Variants in WDR97 observed in about 807,000 individuals in gnomAD.
The protein encoded by WDR97 is WD repeat-containing protein 97.
Under a neutral mutation model 65.4 loss-of-function variants are expected in WDR97, and 111 were observed. The ratio of observed to expected loss-of-function variants is 1.70; its 90% CI spans 1.45 to 1.99. The LOEUF (loss-of-function observed/expected upper bound fraction) is 1.99, where lower values mean the gene tolerates loss of function less well. Among genes scored for constraint, WDR97 ranks in the 30% most tolerant of loss-of-function variants. The pLI, the probability that WDR97 is intolerant of heterozygous loss-of-function variation, is 0.00. For missense variants in WDR97, 1,674 were observed against 865.0 expected (o/e 1.94, Z -11.73); for synonymous variants, 802 against 397.7 (o/e 2.02, Z -12.10).
At chr8:144,112,773 T>C in intron 15 of WDR97, 1 of 565,616 alleles carries the variant, frequency 1.8e-6, no homozygotes, top group Non-Finnish European at 3.2e-6. Context: ...CTCTGGGAGC[T>C]GACATCAGGC....
intron 3 of WDR97, 26 bp downstream of exon 3, chr8:144,108,970 C>A (rs1836480869): frequency 2.8e-6 from 2 of 702,926 alleles, no homozygotes; most frequent in Admixed American, 2.0e-5. Context: ...CTAGGGAGGG[C>A]CAGGCATGTA....
Position 144,116,774 on chromosome 8 carries a change from C to A in WDR97, c.*481C>A, listed in dbSNP as rs7829844. The A allele has an allele frequency of 0.8, 121,781 of 152,934 alleles. 51,543 individuals are homozygous for A. The highest frequency in any genetic ancestry group is 1 in the East Asian group (5,181 of 5,202). 9.5% of individuals were successfully genotyped at this position (152,934 alleles called of 1,614,324 possible). ...CTTGCTTTCGTTACTTTTATTCTGGCAAAGAGAAGAATTGACAAAGGCACC... is the reference window on the plus strand; with the variant it reads ...CTTGCTTTCGTTACTTTTATTCTGGAAAAGAGAAGAATTGACAAAGGCACC... On this transcript the variant is annotated 3_prime_UTR_variant, in exon 24 of 24. Transcript: ENST00000323662.
chr8:144,116,216 C>T lies in WDR97; in HGVS notation c.4792C>T (p.Leu1598=), dbSNP rs1219524379. Residue 1598 remains leucine, a synonymous_variant, in exon 24 of 24, where the codon CTG becomes TTG. Transcript: ENST00000323662. ...PLDWPMPPRP[L]PPRLLQPALQ... Reference sequence around the variant, plus strand: ...GGACTGGCCTATGCCCCCGCGCCCGCTGCCCCCGCGGCTCCTGCAGCCGGC... The same window carrying T: ...GGACTGGCCTATGCCCCCGCGCCCGTTGCCCCCGCGGCTCCTGCAGCCGGC... The T allele has an allele frequency of 1.5e-6, 1 of 685,876 alleles. No homozygotes were observed. The highest frequency in any genetic ancestry group is 2.7e-5 in the East Asian group (1 of 36,888). 42.5% of individuals were successfully genotyped at this position (685,876 alleles called of 1,614,324 possible). A position where few individuals can be genotyped will look rare whatever the true frequency, so the allele number is the denominator to read the frequency against.
intron 20 of WDR97, 31 bp downstream of exon 20, chr8:144,114,706 C>A: frequency 1.4e-6 from 1 of 702,620 alleles, no homozygotes; most frequent in Non-Finnish European, 2.6e-6. Context: ...GCCCTCCCTG[C>A]CACTGGGAAG....
intron 10 of WDR97, 27 bp from the exon 11 acceptor site, chr8:144,111,399 C>G: frequency 1.4e-6 from 1 of 702,814 alleles, no homozygotes; most frequent in Non-Finnish European, 2.6e-6. Context: ...CACCCAGCAT[C>G]CCACCTGTGC....
Position 144,115,765 on chromosome 8 carries a change from C to T in WDR97, c.4502C>T (p.Ser1501Leu). The T allele has an allele frequency of 2.9e-6, 2 of 699,888 alleles. No homozygotes were observed. Among genetic ancestry groups the T allele is most frequent in the Non-Finnish European group, 5.2e-6 (2 of 383,558 alleles). The allele number at this position is 699,888 out of a possible 1,614,324, so 43.4% of individuals were successfully genotyped here. A position where few individuals can be genotyped will look rare whatever the true frequency, so the allele number is the denominator to read the frequency against. The change falls in exon 22 of 24, where the codon TCG (serine) becomes TTG (leucine). Residue 1501 changes from serine (S) to leucine (L), a missense_variant. Transcript: ENST00000323662. ...CAGCTGCGGGCGCAGCAGCGGAGTT[C>T]GCTCCAGGAGAAGGCTGCGCACCCA... ...CEQLRAQQRS[S>L]LQEKAAHPHP...
rs1564323874 is a variant in WDR97, at chr8:144,115,622, G to A, written c.4359G>A (p.Leu1453=). 1.5e-6 allele frequency: 1 copy of A among 687,516 alleles called. No homozygotes were observed. The highest frequency in any genetic ancestry group is 1.5e-5 in the South Asian group (1 of 66,358). The allele number at this position is 687,516 out of a possible 1,614,324, so 42.6% of individuals were successfully genotyped here. A position where few individuals can be genotyped will look rare whatever the true frequency, so the allele number is the denominator to read the frequency against. Residue 1453 remains leucine (L), a synonymous_variant, in exon 22 of 24, where the codon CTG becomes CTA. Transcript: ENST00000323662. ...KSFCLEPEAR[L]HPAGPAQLPG... Reference sequence around the variant, plus strand: ...TCTGCCTGGAGCCCGAGGCCCGCCTGCACCCTGCCGGGCCTGCTCAGCTGC... The same window carrying A: ...TCTGCCTGGAGCCCGAGGCCCGCCTACACCCTGCCGGGCCTGCTCAGCTGC...
chr8:144,116,953 T>C lies in WDR97; in HGVS notation c.*660T>C, dbSNP rs1814766501. On this transcript the variant is annotated 3_prime_UTR_variant, in exon 24 of 24. Transcript: ENST00000323662. Reference sequence around the variant, plus strand: ...CAGGGCGCAAGACCTGTGCACAGAGTTCTTGGGGCAGCTCTGGGGGGAATC... The same window carrying C: ...CAGGGCGCAAGACCTGTGCACAGAGCTCTTGGGGCAGCTCTGGGGGGAATC... 1 of 152,130 alleles carries C rather than the reference T, an allele frequency of 6.6e-6. No individual in the cohort carries two copies. The highest frequency in any genetic ancestry group is 2.1e-4 in the South Asian group (1 of 4,812). 9.4% of individuals were successfully genotyped at this position (152,130 alleles called of 1,614,324 possible).
rs745916344 is a variant in WDR97 at position 144,110,258 on chromosome 8, T to A, written c.1843+2T>A. The A allele has an allele frequency of 3.0e-5, 21 of 702,162 alleles. No homozygotes were observed. The South Asian group carries it at 3.1e-4, about 10-fold the overall frequency. The allele number at this position is 702,162 out of a possible 1,614,324, so 43.5% of individuals were successfully genotyped here. On this transcript the variant is annotated splice_donor_variant, in intron 6 of 23. Transcript: ENST00000323662. LOFTEE classifies it high-confidence loss of function. ...CCTGGAACAGCATTGTGTCTTCGGG[T>A]CAGTAGCTCCCCTGCCAAAGGCCAG...
Position 144,110,786 on chromosome 8 carries a change from C to A in WDR97, c.2171+47C>A, listed in dbSNP as rs553117786. ...GCTGGGGTCTCCTACCTCTGCTCCTCACCAGAGCCCACTGGCTGGACTGAG... is the reference window on the plus strand; with the variant it reads ...GCTGGGGTCTCCTACCTCTGCTCCTAACCAGAGCCCACTGGCTGGACTGAG... On this transcript the variant is annotated intron_variant, in intron 8 of 23. Coordinates refer to ENST00000323662, the MANE Select transcript of WDR97 (RefSeq NM_001316309.2). 1.4e-5 allele frequency: 10 copies of A among 702,544 alleles called. No homozygotes were observed. In the East Asian group the frequency reaches 2.4e-4, roughly 17 times the overall value. 43.5% of individuals were successfully genotyped at this position (702,544 alleles called of 1,614,324 possible). A position where few individuals can be genotyped will look rare whatever the true frequency, so the allele number is the denominator to read the frequency against.
At chr8:144,112,893 T>G in intron 15 of WDR97, 1 of 343,674 alleles carries the variant, frequency 2.9e-6, no homozygotes, top group Non-Finnish European at 5.4e-6. Context: ...CCCTGCCCTT[T>G]AGAGGAGCAA....
At chr8:144,113,342 G>A (rs1836585045) in intron 15 of WDR97, 98 bp from the exon 16 acceptor site, 2 of 687,840 alleles carry the variant, frequency 2.9e-6, no homozygotes, top group Admixed American at 4.3e-5. Flanking sequence ...AGCTGGACTG[G>A]CGGCTGAGGG....
In WDR97 at chr8:144,115,990, CG is replaced by C; in HGVS notation, c.4644del (p.Arg1549GlyfsTer4). ...RLQEAKPQRSARSAMRLRGPM... is the reference protein window; with the variant it reads ...RLQEAKPQRSXRSAMRLRGPM... ...CAGGAGGCCAAGCCGCAGAGGTCCG[CG>C]AGGTCCGCGATGAGACTGAGGGGTG... On this transcript the variant is annotated frameshift_variant, in exon 23 of 24. Coordinates refer to ENST00000323662, the MANE Select transcript of WDR97 (RefSeq NM_001316309.2). LOFTEE classifies it low-confidence loss of function (END_TRUNC). The C allele has an allele frequency of 1.4e-6, 1 of 700,598 alleles. No individual in the cohort carries two copies. Among genetic ancestry groups the C allele is most frequent in the Non-Finnish European group, 2.6e-6 (1 of 384,428 alleles). The allele number at this position is 700,598 out of a possible 1,614,324, so 43.4% of individuals were successfully genotyped here.
chr8:144,110,532 C>G lies in WDR97; in HGVS notation c.2035C>G (p.Arg679Gly). The G allele has an allele frequency of 1.4e-6, 1 of 702,876 alleles. No homozygotes were observed. Among genetic ancestry groups the G allele is most frequent in the Non-Finnish European group, 2.6e-6 (1 of 384,944 alleles). 43.5% of individuals were successfully genotyped at this position (702,876 alleles called of 1,614,324 possible). ...GCAGTTTGGCCTGGGCGACAGTCCG[C>G]GATTAGACCACCGGCCCCAGGACGA... ...LVQFGLGDSPRLDHRPQDDPT... is the reference protein window; with the variant it reads ...LVQFGLGDSPGLDHRPQDDPT... The change falls in exon 7 of 24, where the codon CGA (arginine) becomes GGA (glycine). Residue 679 changes from arginine (R) to glycine (G), a missense_variant. Arg to Gly is a moderately radical substitution (Grantham distance 125). Transcript: ENST00000323662.
Position 144,116,247 on chromosome 8 carries a change from A to C in WDR97, c.4823A>C (p.Gln1608Pro). The change falls in exon 24 of 24, where the codon CAG (glutamine) becomes CCG (proline). Residue 1608 changes from glutamine (Q) to proline (P), a missense_variant. Physicochemically the swap from Gln to Pro is moderately conservative, Grantham distance 76 (BLOSUM62 -1). Coordinates refer to ENST00000323662, the MANE Select transcript of WDR97 (RefSeq NM_001316309.2). ...CCGCGGCTCCTGCAGCCGGCCCTGCAGCGCTACTTTCTGCCAGCGGACGCG... is the reference window on the plus strand; with the variant it reads ...CCGCGGCTCCTGCAGCCGGCCCTGCCGCGCTACTTTCTGCCAGCGGACGCG... ...LPPRLLQPAL[Q>P]RYFLPADADP... 1.5e-6 allele frequency: 1 copy of C among 673,632 alleles called. No individual in the cohort carries two copies. The highest frequency in any genetic ancestry group is 2.7e-6 in the Non-Finnish European group (1 of 369,126). 41.7% of individuals were successfully genotyped at this position (673,632 alleles called of 1,614,324 possible).
Position 144,115,517 on chromosome 8 carries a change from C to T in WDR97, c.4254C>T (p.Ala1418=). The T allele has an allele frequency of 1.4e-6, 1 of 697,182 alleles. No individual in the cohort carries two copies. The highest frequency in any genetic ancestry group is 2.6e-6 in the Non-Finnish European group (1 of 381,812). The allele number at this position is 697,182 out of a possible 1,614,324, so 43.2% of individuals were successfully genotyped here. The change falls in exon 22 of 24, where the codon GCC becomes GCT. Residue 1418 remains alanine (A), a synonymous_variant. Transcript: ENST00000323662. ...ACTCTTTAGCCCCGGAGCTCCAGGCCCAGCGGATGCTGGCACCCAAGCGCA... is the reference window on the plus strand; with the variant it reads ...ACTCTTTAGCCCCGGAGCTCCAGGCTCAGCGGATGCTGGCACCCAAGCGCA... ...EPHSLAPELQ[A]QRMLAPKRSW...
chr8:144,114,937 C>G, intron 21 of WDR97, 26 bp downstream of exon 21: 1 of 663,770 alleles, frequency 1.5e-6, no homozygotes, highest in South Asian at 1.6e-5. Context: ...GCCGGGGGGG[C>G]CTTGGGAACC....
At chr8:144,112,402 G>A in intron 14 of WDR97, 45 bp from the exon 15 acceptor site, 1 of 702,534 alleles carries the variant, frequency 1.4e-6, no homozygotes, top group South Asian at 1.5e-5. Flanking sequence ...GAGCTGCCGG[G>A]GTGCTAGGGG....
rs979322189 is a variant in WDR97 at position 144,115,952 on chromosome 8, C to T, written c.4605C>T (p.Pro1535=). ...VPPPREHWYH[P]ILRLQEAKPQ... is the part of the protein sequence containing the mutation. ...TCCTCTTTGCCTCCAGGTACCACCC[C>T]ATCCTCCGGCTGCAGGAGGCCAAGC... Residue 1535 remains proline (P), a synonymous_variant, in exon 23 of 24, where the codon CCC becomes CCT. Transcript: ENST00000323662. 8 of 701,106 alleles carry T rather than the reference C, an allele frequency of 1.1e-5. No individual in the cohort carries two copies. In the African/African-American group the frequency reaches 1.4e-4, roughly 12 times the overall value. The allele number at this position is 701,106 out of a possible 1,614,324, so 43.4% of individuals were successfully genotyped here. A position where few individuals can be genotyped will look rare whatever the true frequency, so the allele number is the denominator to read the frequency against.
Sources: gnomAD v4.1 joint callset for allele counts on GRCh38, gnomAD v4.1.1 for gene constraint, MANE v1.5 for transcripts, NCBI Gene and HGNC (gene_info 2026-07-23, HGNC 2026-07-21) for gene names.